The following CA8 variants were observed in gnomAD, a reference collection of about 807,000 sequenced individuals.
CA8 encodes carbonic anhydrase-related protein.
CA8 carries 22 observed loss-of-function variants against 41.4 expected under a neutral mutation model. The ratio of observed to expected loss-of-function variants is 0.53; its 90% CI spans 0.38 to 0.76. The LOEUF is 0.76. CA8 is among the 30% of genes least tolerant of loss of function. The pLI is 0.00. For missense variants in CA8, 270 were observed against 352.8 expected, an observed-to-expected ratio of 0.77 and a Z score of 1.88; for synonymous variants, 121 against 130.6, an observed-to-expected ratio of 0.93 and a Z score of 0.50.
intron 4 of CA8, among the ~76,000 whole-genome samples, 196 bp downstream of exon 4, chr8:60,232,088 A>C (rs1807667335): frequency 6.6e-6 from 1 of 152,212 alleles, no homozygotes; most frequent in Non-Finnish European, 1.5e-5. Context: ...CTAATAAATA[A>C]AGGAACTATT....
At chr8:60,274,705 G>T (rs1804177459) in intron 2 of CA8, among the ~76,000 whole-genome samples, 2 of 152,116 alleles carry the variant, frequency 1.3e-5, no homozygotes, top group South Asian at 2.1e-4. Context: ...CAGAGCAGAG[G>T]AAGAGCCCTC....
intron 3 of CA8, among the ~76,000 whole-genome samples, chr8:60,263,122 C>T (rs556017362): frequency 6.6e-6 from 1 of 152,212 alleles, no homozygotes; most frequent in Admixed American, 6.5e-5. Flanking sequence ...GGGCAGATAA[C>T]CTGAGGTCAG....
chr8:60,189,466 T>C lies in CA8; in HGVS notation c.*555A>G, dbSNP rs1207574862. ...TTCCCATGGCAATCCAGCCTAATAT[T>C]AATTGTGGTATGGGTGCTGAAAAAA... On this transcript the variant is annotated 3_prime_UTR_variant, in exon 9 of 9. Coordinates refer to ENST00000317995, the MANE Select transcript of CA8 (RefSeq NM_004056.6). 6.6e-6 allele frequency: 1 copy of C among 152,156 alleles called. No individual in the cohort carries two copies. Among genetic ancestry groups the C allele is most frequent in the African/African-American group, 2.4e-5 (1 of 41,446 alleles). The allele number at this position is 152,156 out of a possible 1,614,324, so 9.4% of individuals were successfully genotyped here. A position where few individuals can be genotyped will look rare whatever the true frequency, so the allele number is the denominator to read the frequency against.
chr8:60,194,326 C>A (rs180829004), intron 8 of CA8, among the ~76,000 whole-genome samples: 4 of 152,100 alleles, frequency 2.6e-5, no homozygotes, highest in Non-Finnish European at 5.9e-5. Context: ...AGAGTGGAGG[C>A]GGAGGGCACC....
intron 7 of CA8, among the ~76,000 whole-genome samples, chr8:60,216,409 C>G (rs761357277): frequency 3.3e-5 from 5 of 152,210 alleles, no homozygotes; most frequent in East Asian, 1.9e-4. Context: ...TATGATGGAG[C>G]TCTGTGCTAA....
intron 2 of CA8, among the ~76,000 whole-genome samples, chr8:60,270,255 C>T (rs1214521051): frequency 6.6e-6 from 1 of 152,176 alleles, no homozygotes; most frequent in Non-Finnish European, 1.5e-5. Flanking sequence ...AGTAAGAAAG[C>T]TGCTATCATG....
In CA8 at chr8:60,221,793, T is replaced by G. The variant is rs1010121885; in HGVS notation, c.738+856A>C. Among the ~76,000 whole-genome samples, 457 of 152,330 alleles carry G rather than the reference T, an allele frequency of 3.0e-3. 1 individual carries two copies. Among genetic ancestry groups the G allele is most frequent in the African/African-American group, 0.01 (424 of 41,580 alleles). ...TATTAAATGTTGGAAGAAGGATTTT[T>G]TTTTAAGATTTAAGGACAAAATAAA... On this transcript the variant is annotated intron_variant, in intron 7 of 8. Transcript: ENST00000317995.
intron 2 of CA8, among the ~76,000 whole-genome samples, chr8:60,277,381 T>A (rs191965953): frequency 6.6e-6 from 1 of 152,004 alleles, no homozygotes; most frequent in Non-Finnish European, 1.5e-5. Flanking sequence ...GAGACGGAGT[T>A]TTGCTTTTGT....
At chr8:60,191,317 GAT>G (rs1226060931) in intron 8 of CA8, among the ~76,000 whole-genome samples, 1 of 151,984 alleles carries the variant, frequency 6.6e-6, no homozygotes, top group Non-Finnish European at 1.5e-5. Flanking sequence ...TCAAGAAAGT[GAT>G]ATGAAATTGA....
chr8:60,236,947 G>A (rs989961550), intron 3 of CA8, among the ~76,000 whole-genome samples: 1 of 152,148 alleles, frequency 6.6e-6, no homozygotes, highest in East Asian at 1.9e-4. Flanking sequence ...TTATGAACTG[G>A]CTTATTAAGG....
intron 3 of CA8, among the ~76,000 whole-genome samples, chr8:60,241,686 T>C (rs1012113176): frequency 6.6e-6 from 1 of 152,088 alleles, no homozygotes; most frequent in African/African-American, 2.4e-5. Context: ...TCAGAAGCAA[T>C]TAAAACTCAT....
intron 2 of CA8, among the ~76,000 whole-genome samples, chr8:60,275,858 CAT>C (rs1804215261): frequency 6.6e-6 from 1 of 152,056 alleles, no homozygotes; most frequent in Non-Finnish European, 1.5e-5. Flanking sequence ...AGAAGAGACA[CAT>C]AGAGGGGGTT....
rs1214962579 is a variant in CA8 at position 60,188,235 on chromosome 8, T to C, written c.*1786A>G. 2.0e-5 allele frequency: 3 copies of C among 152,152 alleles called. No individual in the cohort carries two copies. Among genetic ancestry groups the C allele is most frequent in the African/African-American group, 7.2e-5 (3 of 41,432 alleles). The allele number at this position is 152,152 out of a possible 1,614,324, so 9.4% of individuals were successfully genotyped here. A position where few individuals can be genotyped will look rare whatever the true frequency, so the allele number is the denominator to read the frequency against. On this transcript the variant is annotated 3_prime_UTR_variant, in exon 9 of 9. Coordinates refer to ENST00000317995, the MANE Select transcript of CA8 (RefSeq NM_004056.6). ...GAACAACTAGATGTTATCCTGAAAGTCATTTAATTACTATTTGTTATTGTA... is the reference window on the plus strand; with the variant it reads ...GAACAACTAGATGTTATCCTGAAAGCCATTTAATTACTATTTGTTATTGTA...
chr8:60,273,943 TTA>T (rs1232286046), intron 2 of CA8, among the ~76,000 whole-genome samples: 1 of 152,244 alleles, frequency 6.6e-6, no homozygotes. Flanking sequence ...GTTAGAAGTT[TTA>T]GTTTGATAAG....
At chr8:60,276,935 A>G (rs2130630957) in intron 2 of CA8, among the ~76,000 whole-genome samples, 1 of 152,246 alleles carries the variant, frequency 6.6e-6, no homozygotes, top group South Asian at 2.1e-4. Context: ...CCTGACCAAC[A>G]TGGTGAAACC....
rs1035041712 is a variant in CA8, at chr8:60,186,718, T to C, written c.*3303A>G. Among the ~76,000 whole-genome samples, 2 of 151,880 alleles carry C rather than the reference T, an allele frequency of 1.3e-5. No individual in the cohort carries two copies. The highest frequency in any genetic ancestry group is 2.9e-5 in the Non-Finnish European group (2 of 67,876). Reference sequence around the variant, plus strand: ...TTGAAAGTGAAAAGATGAAAAAAGATACATCATACAAATAGCAACTATAAG... The same window carrying C: ...TTGAAAGTGAAAAGATGAAAAAAGACACATCATACAAATAGCAACTATAAG... On this transcript the variant is annotated 3_prime_UTR_variant, in exon 9 of 9. Coordinates refer to ENST00000317995, the MANE Select transcript of CA8 (RefSeq NM_004056.6).
intron 2 of CA8, among the ~76,000 whole-genome samples, chr8:60,279,443 G>A (rs1804339360): frequency 6.6e-6 from 1 of 152,158 alleles, no homozygotes; most frequent in Non-Finnish European, 1.5e-5. Context: ...TCAAACTAAG[G>A]TTTTTCCAGT....
intron 7 of CA8, among the ~76,000 whole-genome samples, chr8:60,220,259 C>T (rs1173460920): frequency 1.3e-5 from 2 of 152,080 alleles, no homozygotes; most frequent in African/African-American, 4.8e-5. Context: ...GAACCAGAAA[C>T]AGCACAGTGG....
At chr8:60,271,373 A>G (rs1804067530) in intron 2 of CA8, among the ~76,000 whole-genome samples, 1 of 152,124 alleles carries the variant, frequency 6.6e-6, no homozygotes, top group Non-Finnish European at 1.5e-5. Context: ...GAAAAGAAAG[A>G]AGGAAAAAGA....
Sources: allele counts gnomAD v4.1 joint callset (sites outside exome capture counted in the v4.1 genomes callset), GRCh38; gene constraint gnomAD v4.1.1; transcripts MANE v1.5; gene names NCBI Gene and HGNC (gene_info 2026-07-23, HGNC 2026-07-21).